Variants in ANKDD1A observed in about 807,000 individuals in gnomAD.
ANKDD1A encodes ankyrin repeat and death domain-containing protein 1A.
ANKDD1A carries 59 observed loss-of-function variants against 63.5 expected under a neutral mutation model. The observed-to-expected ratio is 0.93, with a 90% CI of 0.75 to 1.15. The LOEUF is 1.15. ANKDD1A is among the 50% of genes most tolerant of loss of function. The probability of loss-of-function intolerance (pLI) is 0.00; values close to 1 mark genes in which losing one functional copy is unlikely to be tolerated. For missense variants in ANKDD1A, 632 were observed against 656.4 expected (o/e 0.96, Z 0.41); for synonymous variants, 266 against 263.9 (o/e 1.01, Z -0.08).
chr15:64,930,229 G>A (rs1467120963), intron 6 of ANKDD1A, among the ~76,000 whole-genome samples: 1 of 150,482 alleles, frequency 6.6e-6, no homozygotes, highest in Non-Finnish European at 1.5e-5. Context: ...TGCACATTCT[G>A]CACACGTATC....
intron 12 of ANKDD1A, 127 bp from the exon 13 acceptor site, chr15:64,947,277 C>T: frequency 2.2e-6 from 2 of 915,654 alleles, no homozygotes; most frequent in Non-Finnish European, 3.3e-6. Context: ...GCCCCTGGCC[C>T]TTGCTGACTC....
rs1724239166 is a variant in ANKDD1A, at chr15:64,945,604, C to CT, written c.1161+857_1161+858insT. On this transcript the variant is annotated intron_variant, in intron 12 of 14. Transcript: ENST00000319580. ...AGGTTAGAGGGATTAAATGCATTTT[C>CT]AACATATATATATATATATATATAT... is the stretch of plus-strand genomic sequence containing the variant. Among the ~76,000 whole-genome samples the CT allele has an allele frequency of 6.3e-4, 5 of 7,878 alleles. 1 individual carries two copies. The highest frequency in any genetic ancestry group is 1.1e-3 in the African/African-American group (2 of 1,874). The allele number at this position is 7,878 out of a possible 152,430, so 5.2% of individuals were successfully genotyped here. A position where few individuals can be genotyped will look rare whatever the true frequency, so the allele number is the denominator to read the frequency against.
chr15:64,951,225 G>A lies in ANKDD1A; in HGVS notation c.1483+1253G>A, dbSNP rs79891041. The A allele has an allele frequency of 1.4e-3, 1,408 of 989,966 alleles. 16 individuals are homozygous for A. In the African/African-American group the frequency reaches 0.021, roughly 15 times the overall value. The allele number at this position is 989,966 out of a possible 1,614,324, so 61.3% of individuals were successfully genotyped here. ...GATGGGTCCAAGGGCCTGTAATCCC[G>A]TCCAACAGGTATGGTCCTTTTGAGC... On this transcript the variant is annotated intron_variant, in intron 14 of 14. Transcript: ENST00000319580.
At chr15:64,952,957 TC>T (rs2085326500) in intron 14 of ANKDD1A, among the ~76,000 whole-genome samples, 10 of 21,664 alleles carry the variant, frequency 4.6e-4, no homozygotes, top group Admixed American at 1.6e-3. Context: ...TTCTCTTTCT[TC>T]CTCTTCTTCT....
At chr15:64,955,286 C>T (rs1199160061) in intron 14 of ANKDD1A, among the ~76,000 whole-genome samples, 1 of 152,168 alleles carries the variant, frequency 6.6e-6, no homozygotes, top group African/African-American at 2.4e-5. Flanking sequence ...ATCTCCTGAC[C>T]TCGTGATCTT....
intron 12 of ANKDD1A, among the ~76,000 whole-genome samples, chr15:64,946,489 G>A (rs562106114): frequency 2.6e-5 from 4 of 152,094 alleles, no homozygotes; most frequent in East Asian, 1.9e-4. Flanking sequence ...TAATACTGAG[G>A]GTTGGACTAG....
intron 5 of ANKDD1A, among the ~76,000 whole-genome samples, chr15:64,926,629 C>A (rs1008796849): frequency 6.6e-6 from 1 of 152,016 alleles, no homozygotes. Flanking sequence ...GCGATCTCAA[C>A]CCCCATCCTC....
intron 6 of ANKDD1A, among the ~76,000 whole-genome samples, chr15:64,930,518 A>G (rs948150087): frequency 1.3e-5 from 2 of 152,096 alleles, no homozygotes; most frequent in Admixed American, 1.3e-4. Context: ...CGCAGGGGAG[A>G]GTTGCTGGGG....
At chr15:64,953,174 TTC>T (rs1286606621) in intron 14 of ANKDD1A, among the ~76,000 whole-genome samples, 8 of 36,294 alleles carry the variant, frequency 2.2e-4, no homozygotes, top group Admixed American at 4.6e-4. Flanking sequence ...CCTTCTTTTC[TTC>T]TTTTTCTTCT....
At chr15:64,918,432 C>T (rs969370716) in intron 3 of ANKDD1A, among the ~76,000 whole-genome samples, 1 of 152,180 alleles carries the variant, frequency 6.6e-6, no homozygotes, top group Non-Finnish European at 1.5e-5. Context: ...ATTCCCCAAT[C>T]CTGTCTCCTC....
intron 9 of ANKDD1A, among the ~76,000 whole-genome samples, chr15:64,939,084 G>A: frequency 6.6e-6 from 1 of 152,262 alleles, no homozygotes; most frequent in South Asian, 2.1e-4. Context: ...TGGATGTGGG[G>A]TATGTGGGAA....
intron 14 of ANKDD1A, among the ~76,000 whole-genome samples, chr15:64,953,074 T>TTTC (rs757398913): frequency 6.7e-6 from 1 of 148,360 alleles, no homozygotes; most frequent in Non-Finnish European, 1.5e-5. Context: ...TCTTTCCTTC[T>TTTC]TTCTTCTTCT....
rs1307920140 is a variant in ANKDD1A, at chr15:64,946,139, T to G, written c.1162-1265T>G. On this transcript the variant is annotated intron_variant, in intron 12 of 14. Transcript: ENST00000319580. Reference sequence around the variant, plus strand: ...GTAATGTTGGGTCCCATGTTTAAACTTAGTTAAACTAACTTAAACATTGAA... The same window carrying G: ...GTAATGTTGGGTCCCATGTTTAAACGTAGTTAAACTAACTTAAACATTGAA... Among the ~76,000 whole-genome samples the G allele has an allele frequency of 2.6e-5, 4 of 152,212 alleles. No homozygotes were observed. In the East Asian group the frequency reaches 5.8e-4, roughly 22 times the overall value.
intron 14 of ANKDD1A, among the ~76,000 whole-genome samples, chr15:64,953,008 C>T (rs1288156608): frequency 1.0e-5 from 1 of 98,976 alleles, no homozygotes; most frequent in African/African-American, 3.7e-5. Flanking sequence ...TTAGTTCTTT[C>T]TTCTCCTTGT....
At position 64,947,508 on chromosome 15, in the gene ANKDD1A, T is replaced by A. The variant is rs781371305; in HGVS notation, c.1266T>A (p.Tyr422Ter). 9.9e-6 allele frequency: 16 copies of A among 1,613,948 alleles called. No homozygotes were observed. The highest frequency in any genetic ancestry group is 1.6e-4 in the Middle Eastern group (1 of 6,084). ...RSVLWRLASR[Y>*]LQPREWKKLA... is the part of the protein sequence containing the mutation. ...TGCTGTGGCGGCTGGCCTCCAGGTA[T>A]CTGCAGCCCCGTGAGTGGAAGAAGC... Residue 422 changes from tyrosine (Y) to a stop codon, truncating the protein, a stop_gained, in exon 13 of 15, where the codon TAT becomes TAA. Transcript: ENST00000319580. LOFTEE classifies it high-confidence loss of function.
At position 64,926,047 on chromosome 15, in the gene ANKDD1A, C is replaced by G. The variant is rs1404314748; in HGVS notation, c.367-19C>G. 2 of 1,604,100 alleles carry G rather than the reference C, an allele frequency of 1.2e-6. No individual in the cohort carries two copies. Among genetic ancestry groups the G allele is most frequent in the Non-Finnish European group, 1.7e-6 (2 of 1,173,728 alleles). ...CCTCCCTTCACAGACTGCAGGAACC[C>G]TCCTGCACTTGTTTCCAGGATGGCC... On this transcript the variant is annotated intron_variant, in intron 4 of 14. Transcript: ENST00000319580.
chr15:64,931,268 G>C (rs1334815959), intron 7 of ANKDD1A, among the ~76,000 whole-genome samples: 1 of 152,178 alleles, frequency 6.6e-6, no homozygotes, highest in Non-Finnish European at 1.5e-5. Context: ...GTGGAGCCAG[G>C]AGTGACTATG....
At chr15:64,955,668 C>T (rs1595862174) in intron 14 of ANKDD1A, among the ~76,000 whole-genome samples, 1 of 152,032 alleles carries the variant, frequency 6.6e-6, no homozygotes, top group African/African-American at 2.4e-5. Context: ...CTGGCTGTGG[C>T]GTTTAGGAGC....
At chr15:64,934,034 G>C in intron 8 of ANKDD1A, 102 bp from the exon 9 acceptor site, 3 of 891,500 alleles carry the variant, frequency 3.4e-6, no homozygotes, top group Middle Eastern at 4.5e-4. Flanking sequence ...ATACTCCCAG[G>C]GGTGTTGTGA....
Sources: gnomAD v4.1 joint callset for allele counts (sites outside exome capture counted in the v4.1 genomes callset) on GRCh38, gnomAD v4.1.1 for gene constraint, MANE v1.5 for transcripts, NCBI Gene and HGNC (gene_info 2026-07-23, HGNC 2026-07-21) for gene names.